MBOAT2: variants seen among roughly 807,000 people sequenced by gnomAD.
MBOAT2 encodes membrane bound glycerophospholipid O-acyltransferase 2.
Under a neutral mutation model 63.4 loss-of-function variants are expected in MBOAT2, and 28 were observed. The observed-to-expected ratio is 0.44, with a 90% CI of 0.33 to 0.61. The LOEUF is 0.61. Among genes scored for constraint, MBOAT2 ranks in the 20% least tolerant of loss-of-function variants. MBOAT2 has a pLI of 0.03. For missense variants in MBOAT2, 470 were observed against 605.8 expected (o/e 0.78, Z 2.35); for synonymous variants, 211 against 215.6 (o/e 0.98, Z 0.19).
At chr2:8,912,377 A>AAGAAAGAAAGAAAGAAAGAAAG (rs1665836815) in intron 3 of MBOAT2, among the ~76,000 whole-genome samples, 1 of 64,580 alleles carries the variant, frequency 1.5e-5, no homozygotes, top group Non-Finnish European at 3.5e-5. Context: ...AAGAAAGAGA[A>AAGAAAGAAAGAAAGAAAGAAAG]AGAAAGAAAG....
chr2:8,868,385 T>C (rs1036038030), intron 9 of MBOAT2, 61 bp downstream of exon 9: 3 of 1,427,590 alleles, frequency 2.1e-6, no homozygotes, highest in Non-Finnish European at 2.9e-6. Flanking sequence ...CACCATAACT[T>C]ATGAAAGCAA....
chr2:8,992,228 T>C (rs939008102), intron 1 of MBOAT2, among the ~76,000 whole-genome samples: 1 of 152,264 alleles, frequency 6.6e-6, no homozygotes, highest in Non-Finnish European at 1.5e-5. Flanking sequence ...TTACTATTTA[T>C]TGAGCACCCA....
intron 11 of MBOAT2, 128 bp from the exon 12 acceptor site, chr2:8,860,892 G>A (rs1408112987): frequency 1.4e-6 from 1 of 710,648 alleles, no homozygotes; most frequent in African/African-American, 1.8e-5. Context: ...GTTGCTAGTG[G>A]GAATGTACAC....
chr2:8,962,334 C>T (rs902979074), intron 1 of MBOAT2, among the ~76,000 whole-genome samples: 1 of 152,100 alleles, frequency 6.6e-6, no homozygotes, highest in Non-Finnish European at 1.5e-5. Flanking sequence ...GAATAATGGT[C>T]CATAAACAAC....
intron 8 of MBOAT2, among the ~76,000 whole-genome samples, chr2:8,869,644 C>T (rs1353220992): frequency 6.6e-6 from 1 of 152,142 alleles, no homozygotes; most frequent in African/African-American, 2.4e-5. Context: ...AAAGAATAAA[C>T]AAGATTTACT....
At chr2:8,921,876 G>T (rs1382887562) in intron 3 of MBOAT2, among the ~76,000 whole-genome samples, 1 of 152,044 alleles carries the variant, frequency 6.6e-6, no homozygotes, top group Non-Finnish European at 1.5e-5. Context: ...CCTACTTGAG[G>T]TCTGTTGAGC....
chr2:8,907,309 G>A (rs376564715), intron 4 of MBOAT2, among the ~76,000 whole-genome samples: 26 of 152,134 alleles, frequency 1.7e-4, no homozygotes, highest in Non-Finnish European at 2.9e-4. Flanking sequence ...TATTATTCCC[G>A]ACTCAATATA....
intron 4 of MBOAT2, 25 bp downstream of exon 4, chr2:8,908,596 T>C (rs745386060): frequency 7.5e-7 from 1 of 1,330,802 alleles, no homozygotes. Context: ...TAAAACAGGC[T>C]ACTGAATCAA....
intron 3 of MBOAT2, among the ~76,000 whole-genome samples, chr2:8,940,229 T>C (rs148052600): frequency 2.4e-3 from 364 of 152,206 alleles, no homozygotes; most frequent in African/African-American, 8.5e-3. Context: ...TACTAAGGCA[T>C]AAAAGGCAGA....
chr2:8,919,790 C>T (rs1438828441), intron 3 of MBOAT2, among the ~76,000 whole-genome samples: 3 of 152,062 alleles, frequency 2.0e-5, no homozygotes, highest in Admixed American at 6.6e-5. Flanking sequence ...CAGGTTCTCG[C>T]TGTTTCCCAG....
In MBOAT2 at chr2:8,862,769, G is replaced by C. The variant is rs1353296610; in HGVS notation, c.1053-47C>G. 2 of 1,580,112 alleles carry C rather than the reference G, an allele frequency of 1.3e-6. No homozygotes were observed. The highest frequency in any genetic ancestry group is 2.4e-5 in the South Asian group (2 of 84,936). ...GAGAGCCAAGTGGAGTGAGTGACCCGAGTTTACAAAGCCTGCAATGATCAT... is the reference window on the plus strand; with the variant it reads ...GAGAGCCAAGTGGAGTGAGTGACCCCAGTTTACAAAGCCTGCAATGATCAT... On this transcript the variant is annotated intron_variant, in intron 10 of 12. Coordinates refer to ENST00000305997, the MANE Select transcript of MBOAT2 (RefSeq NM_138799.4). This position sits in a 1 kb window ranked among gnomAD's most constrained non-coding sequence, Gnocchi z 4.3.
intron 3 of MBOAT2, among the ~76,000 whole-genome samples, chr2:8,917,761 C>A (rs1666289312): frequency 6.6e-6 from 1 of 152,084 alleles, no homozygotes; most frequent in Non-Finnish European, 1.5e-5. Context: ...AAATATGTAT[C>A]AACAAAAATA....
At chr2:8,917,112 TAC>T (rs1466130624) in intron 3 of MBOAT2, among the ~76,000 whole-genome samples, 1 of 152,200 alleles carries the variant, frequency 6.6e-6, no homozygotes, top group African/African-American at 2.4e-5. Context: ...TCTCTTAACA[TAC>T]ACAAAAATTA....
chr2:8,921,857 T>C (rs1233292378), intron 3 of MBOAT2, among the ~76,000 whole-genome samples: 1 of 152,226 alleles, frequency 6.6e-6, no homozygotes, highest in Non-Finnish European at 1.5e-5. Flanking sequence ...AAGATCTGTT[T>C]GTGTTTATCC....
chr2:8,867,972 C>T (rs1572920884), intron 9 of MBOAT2, among the ~76,000 whole-genome samples: 1 of 152,110 alleles, frequency 6.6e-6, no homozygotes, highest in Non-Finnish European at 1.5e-5. Flanking sequence ...CTCCACTTCC[C>T]CAACCTCATC....
At chr2:8,944,858 C>CAGGA (rs1668303560) in intron 2 of MBOAT2, among the ~76,000 whole-genome samples, 1 of 152,190 alleles carries the variant, frequency 6.6e-6, no homozygotes, top group Non-Finnish European at 1.5e-5. Context: ...CACTGGCTGA[C>CAGGA]TCCTGACTTC....
At position 8,992,426 on chromosome 2, in the gene MBOAT2, C is replaced by T. The variant is rs187534115; in HGVS notation, c.75+11114G>A. 3.2e-4 allele frequency among the ~76,000 whole-genome samples: 48 copies of T among 152,292 alleles called. No homozygotes were observed. In the Middle Eastern group the frequency reaches 0.014, roughly 43 times the overall value. ...TGCTAGGATTACGGGCATGAGCTAC[C>T]GTGCCCAGCCTCTCCATTGAGTTTT... On this transcript the variant is annotated intron_variant, in intron 1 of 12. Coordinates refer to ENST00000305997, the MANE Select transcript of MBOAT2 (RefSeq NM_138799.4).
intron 3 of MBOAT2, among the ~76,000 whole-genome samples, chr2:8,936,328 C>G (rs1667657658): frequency 6.6e-6 from 1 of 152,172 alleles, no homozygotes. Context: ...AATACTGAGG[C>G]CCACAATAAA....
chr2:8,956,129 T>C (rs1245394409), intron 2 of MBOAT2, among the ~76,000 whole-genome samples: 4 of 152,224 alleles, frequency 2.6e-5, no homozygotes, highest in African/African-American at 9.6e-5. Flanking sequence ...GAATCAAATC[T>C]GTAACATCTC....
Sources: allele counts gnomAD v4.1 joint callset (sites outside exome capture counted in the v4.1 genomes callset), GRCh38; gene constraint gnomAD v4.1.1; non-coding constraint Gnocchi (gnomAD v3.1); transcripts MANE v1.5; gene names NCBI Gene and HGNC (gene_info 2026-07-23, HGNC 2026-07-21).